The following SLAMF1 variants were observed in gnomAD, a reference collection of about 807,000 sequenced individuals.
SLAMF1 encodes the protein signaling lymphocytic activation molecule family member 1, also known as signaling lymphocytic activation molecule.
SLAMF1 carries 18 observed loss-of-function variants against 35.1 expected under a neutral mutation model. The observed-to-expected ratio is 0.51, with a 90% confidence interval of 0.35 to 0.76. The LOEUF is 0.76. Ranked by LOEUF, SLAMF1 falls within the 30% of genes least tolerant of loss-of-function variation. The pLI is 0.01. For missense variants in SLAMF1, 392 were observed against 413.0 expected (o/e 0.95, Z 0.44); for synonymous variants, 168 against 157.2 (o/e 1.07, Z -0.51).
At chr1:160,616,208 G>A (rs1170736262) in intron 5 of SLAMF1, among the ~76,000 whole-genome samples, 3 of 152,124 alleles carry the variant, frequency 2.0e-5, no homozygotes, top group African/African-American at 7.2e-5. Flanking sequence ...TGGGTATTAG[G>A]TAGAGTAGCT....
At chr1:160,643,976 C>T (rs1449821936) in intron 1 of SLAMF1, among the ~76,000 whole-genome samples, 1 of 152,004 alleles carries the variant, frequency 6.6e-6, no homozygotes, top group East Asian at 1.9e-4. Context: ...ATAGACATGA[C>T]ATGTTTTATA....
At chr1:160,615,352 G>A (rs1659238825) in intron 5 of SLAMF1, among the ~76,000 whole-genome samples, 1 of 152,022 alleles carries the variant, frequency 6.6e-6, no homozygotes, top group South Asian at 2.1e-4. Context: ...TATGCAGGAG[G>A]GAAGTAAACC....
intron 2 of SLAMF1, among the ~76,000 whole-genome samples, chr1:160,635,571 C>CT (rs36085536): frequency 0.023 from 3,206 of 136,890 alleles, 165 homozygotes; most frequent in African/African-American, 0.077. Flanking sequence ...CATTCATCAT[C>CT]TTTTTTTTTT....
At chr1:160,616,657 C>T (rs954395176) in intron 5 of SLAMF1, among the ~76,000 whole-genome samples, 40 of 152,198 alleles carry the variant, frequency 2.6e-4, no homozygotes, top group African/African-American at 9.6e-4. Context: ...ATATACTAGT[C>T]CATAAAAGAA....
chr1:160,632,113 G>C (rs1660196598), intron 3 of SLAMF1, among the ~76,000 whole-genome samples: 1 of 152,096 alleles, frequency 6.6e-6, no homozygotes, highest in African/African-American at 2.4e-5. Flanking sequence ...CTCCAGAACT[G>C]AGAGCCAATA....
intron 4 of SLAMF1, among the ~76,000 whole-genome samples, chr1:160,620,772 T>C (rs1401888948): frequency 6.6e-6 from 1 of 152,202 alleles, no homozygotes; most frequent in Non-Finnish European, 1.5e-5. Flanking sequence ...CTTTCTGAGA[T>C]GATGGAAATG....
intron 4 of SLAMF1, among the ~76,000 whole-genome samples, chr1:160,621,367 T>A (rs111902443): frequency 0.027 from 4,173 of 152,152 alleles, 172 homozygotes; most frequent in African/African-American, 0.094. Flanking sequence ...GAGACCAGCC[T>A]GGCCAACATG....
In SLAMF1 at chr1:160,610,591, A is replaced by G. The variant is rs868724595; in HGVS notation, c.*157T>C. ...AGCCTCACTTCCTTGTTCATTTCAC[A>G]GATGTATGTGGAAGAAACATCACCA... On this transcript the variant is annotated 3_prime_UTR_variant, in exon 7 of 7. Transcript: ENST00000302035. 56 of 642,690 alleles carry G rather than the reference A, an allele frequency of 8.7e-5. 4 individuals are homozygous for G. The Middle Eastern group carries it at 0.012, about 133-fold the overall frequency. The allele number at this position is 642,690 out of a possible 1,614,324, so 39.8% of individuals were successfully genotyped here.
chr1:160,622,414 C>T (rs1255214614), intron 4 of SLAMF1, among the ~76,000 whole-genome samples: 1 of 152,126 alleles, frequency 6.6e-6, no homozygotes, highest in Non-Finnish European at 1.5e-5. Context: ...CAGCTTTTAC[C>T]TGAAGCATAA....
intron 1 of SLAMF1, among the ~76,000 whole-genome samples, chr1:160,639,474 G>A (rs1238851358): frequency 3.3e-5 from 5 of 152,006 alleles, no homozygotes; most frequent in African/African-American, 9.7e-5. Context: ...TGATCTGCCC[G>A]CCTCGGCCTC....
intron 3 of SLAMF1, among the ~76,000 whole-genome samples, chr1:160,630,596 T>C (rs1382831553): frequency 6.6e-6 from 1 of 152,182 alleles, no homozygotes; most frequent in Non-Finnish European, 1.5e-5. Context: ...TTGTATGCCC[T>C]AGGAAAAATG....
At chr1:160,624,481 C>G (rs1659777891) in intron 3 of SLAMF1, among the ~76,000 whole-genome samples, 1 of 152,170 alleles carries the variant, frequency 6.6e-6, no homozygotes, top group Admixed American at 6.5e-5. Flanking sequence ...TTATCTTCAT[C>G]TCTCCTAAGT....
chr1:160,620,449 GGA>G (rs1201655873), intron 4 of SLAMF1, among the ~76,000 whole-genome samples: 1 of 151,978 alleles, frequency 6.6e-6, no homozygotes, highest in Admixed American at 6.6e-5. Context: ...CCCACCATCT[GGA>G]AATTTTGCTC....
intron 4 of SLAMF1, among the ~76,000 whole-genome samples, chr1:160,623,322 A>G (rs902783735): frequency 6.6e-6 from 1 of 152,150 alleles, no homozygotes; most frequent in African/African-American, 2.4e-5. Flanking sequence ...TCTTAGATGG[A>G]GGAAATGAGA....
intron 1 of SLAMF1, among the ~76,000 whole-genome samples, chr1:160,645,721 C>A (rs1206894481): frequency 6.6e-6 from 1 of 152,202 alleles, no homozygotes; most frequent in East Asian, 1.9e-4. Context: ...TCTTCCTCCC[C>A]TAGACCTTGG....
In SLAMF1 at chr1:160,635,964, A is replaced by T. The variant is rs555779990; in HGVS notation, c.416-1067T>A. Among the ~76,000 whole-genome samples the T allele has an allele frequency of 3.9e-5, 6 of 152,294 alleles. No individual in the cohort carries two copies. In the East Asian group the frequency reaches 9.6e-4, roughly 24 times the overall value. Reference sequence around the variant, plus strand: ...AAGCCAAGTCCCAGGGAGGTGGAATATCTTACAACTCACAGCTTCTAAGTG... The same window carrying T: ...AAGCCAAGTCCCAGGGAGGTGGAATTTCTTACAACTCACAGCTTCTAAGTG... On this transcript the variant is annotated intron_variant, in intron 2 of 6. Transcript: ENST00000302035.
chr1:160,632,393 C>T (rs972780933), intron 3 of SLAMF1, among the ~76,000 whole-genome samples: 1 of 152,154 alleles, frequency 6.6e-6, no homozygotes, highest in Non-Finnish European at 1.5e-5. Context: ...TGCCAGGTTT[C>T]TACTGCTTCC....
At chr1:160,622,261 G>A (rs2102294420) in intron 4 of SLAMF1, among the ~76,000 whole-genome samples, 1 of 152,276 alleles carries the variant, frequency 6.6e-6, no homozygotes, top group East Asian at 1.9e-4. Flanking sequence ...AGGCTCTAAG[G>A]AAAAAGTCTT....
chr1:160,630,457 A>C (rs1486974607), intron 3 of SLAMF1, among the ~76,000 whole-genome samples: 1 of 152,182 alleles, frequency 6.6e-6, no homozygotes, highest in East Asian at 1.9e-4. Context: ...TCACACCATT[A>C]ACCGCTGTGA....
Sources: gnomAD v4.1 joint callset for allele counts (sites outside exome capture counted in the v4.1 genomes callset) on GRCh38, gnomAD v4.1.1 for gene constraint, MANE v1.5 for transcripts, NCBI Gene and HGNC (gene_info 2026-07-23, HGNC 2026-07-21) for gene names.